The following CNTN3 variants were observed in gnomAD, a reference collection of about 807,000 sequenced individuals.
CNTN3 encodes contactin 3.
CNTN3 carries 60 observed loss-of-function variants against 119.1 expected under a neutral mutation model. The ratio of observed to expected loss-of-function variants is 0.50; its 90% CI spans 0.41 to 0.62. The LOEUF is 0.62. Among genes scored for constraint, CNTN3 ranks in the 20% least tolerant of loss-of-function variants. CNTN3 has a pLI of 0.00. For synonymous variants in CNTN3, 450 were observed against 438.7 expected, an observed-to-expected ratio of 1.03 and a Z score of -0.32; for missense variants, 1,101 against 1,242.4, an observed-to-expected ratio of 0.89 and a Z score of 1.71.
At chr3:74,448,786 TCATAAC>T (rs1702093935) in intron 4 of CNTN3, among the ~76,000 whole-genome samples, 1 of 152,164 alleles carries the variant, frequency 6.6e-6, no homozygotes, top group Non-Finnish European at 1.5e-5. Context: ...ATGGTCCATT[TCATAAC>T]TATTTTTCTA....
chr3:74,279,119 G>T (rs1261390733), intron 20 of CNTN3, among the ~76,000 whole-genome samples: 1 of 152,144 alleles, frequency 6.6e-6, no homozygotes. Context: ...GTACACGTTG[G>T]TGTGGATGCG....
intron 19 of CNTN3, among the ~76,000 whole-genome samples, chr3:74,294,889 C>T (rs868729019): frequency 7.9e-5 from 12 of 152,146 alleles, no homozygotes; most frequent in Non-Finnish European, 1.8e-4. Flanking sequence ...CCACGTGATA[C>T]GTGATTTCCT....
chr3:74,614,157 G>T (rs1333839680), intron 1 of CNTN3, among the ~76,000 whole-genome samples: 1 of 152,184 alleles, frequency 6.6e-6, no homozygotes, highest in Admixed American at 6.5e-5. Context: ...CGCTCCAGCT[G>T]GGGATGCAGC....
chr3:74,508,385 G>A (rs1253781329), intron 2 of CNTN3, among the ~76,000 whole-genome samples: 1 of 152,112 alleles, frequency 6.6e-6, no homozygotes, highest in Non-Finnish European at 1.5e-5. Flanking sequence ...ATAGCAGTAT[G>A]AAAATGGACT....
intron 1 of CNTN3, among the ~76,000 whole-genome samples, chr3:74,576,978 G>A (rs570464783): frequency 1.3e-5 from 2 of 152,258 alleles, no homozygotes; most frequent in Non-Finnish European, 2.9e-5. Flanking sequence ...AGGAGAGGCA[G>A]CAGTGACTTG....
chr3:74,512,337 T>G (rs1444670953), intron 2 of CNTN3, among the ~76,000 whole-genome samples: 1 of 152,076 alleles, frequency 6.6e-6, no homozygotes, highest in Admixed American at 6.6e-5. Context: ...GTTATCTGGT[T>G]TGAGCAAATA....
At chr3:74,275,459 A>C (rs1701861113) in intron 20 of CNTN3, among the ~76,000 whole-genome samples, 1 of 152,196 alleles carries the variant, frequency 6.6e-6, no homozygotes, top group South Asian at 2.1e-4. Context: ...TCTCAGCAGA[A>C]ACCCTACAAG....
At chr3:74,433,744 A>G (rs976040776) in intron 4 of CNTN3, among the ~76,000 whole-genome samples, 1 of 152,208 alleles carries the variant, frequency 6.6e-6, no homozygotes, top group Non-Finnish European at 1.5e-5. Flanking sequence ...TGCCATGCAC[A>G]TAAGGCTCCC....
At chr3:74,459,787 A>G (rs184655312) in intron 4 of CNTN3, among the ~76,000 whole-genome samples, 7 of 152,120 alleles carry the variant, frequency 4.6e-5, no homozygotes, top group Admixed American at 3.3e-4. Context: ...TTATTCTCCC[A>G]TAACACCTTT....
intron 13 of CNTN3, among the ~76,000 whole-genome samples, chr3:74,316,927 CA>C (rs144929614): frequency 0.32 from 41,737 of 128,564 alleles, 6,293 homozygotes; most frequent in East Asian, 0.69. Context: ...GACTCCATCT[CA>C]AAAAAAAAAA....
intron 1 of CNTN3, among the ~76,000 whole-genome samples, chr3:74,560,768 T>G (rs1041941008): frequency 6.6e-6 from 1 of 152,006 alleles, no homozygotes; most frequent in African/African-American, 2.4e-5. Flanking sequence ...AGACTTGGAA[T>G]CAACCCAAAT....
chr3:74,371,976 T>G (rs771768512), intron 5 of CNTN3, among the ~76,000 whole-genome samples: 1 of 152,086 alleles, frequency 6.6e-6, no homozygotes, highest in Non-Finnish European at 1.5e-5. Flanking sequence ...CCAACCACAT[T>G]CTTTGAGATA....
At chr3:74,429,108 G>A (rs928546762) in intron 4 of CNTN3, among the ~76,000 whole-genome samples, 37 of 152,114 alleles carry the variant, frequency 2.4e-4, no homozygotes, top group African/African-American at 8.7e-4. Context: ...AGTGACACAT[G>A]AGTGTATAAT....
intron 1 of CNTN3, among the ~76,000 whole-genome samples, chr3:74,596,030 T>G (rs1704802870): frequency 6.6e-6 from 1 of 152,082 alleles, no homozygotes; most frequent in Non-Finnish European, 1.5e-5. Context: ...ATCACAAGCA[T>G]TCTTATACAC....
At chr3:74,551,985 A>T (rs1285246989) in intron 1 of CNTN3, among the ~76,000 whole-genome samples, 1 of 151,860 alleles carries the variant, frequency 6.6e-6, no homozygotes, top group African/African-American at 2.4e-5. Flanking sequence ...GCTGGTCTCA[A>T]ACTCCTGACC....
chr3:74,586,230 T>C (rs1338885618), intron 1 of CNTN3, among the ~76,000 whole-genome samples: 2 of 152,108 alleles, frequency 1.3e-5, no homozygotes, highest in Non-Finnish European at 2.9e-5. Flanking sequence ...AAATATTTGT[T>C]CCTCTATAGT....
intron 5 of CNTN3, among the ~76,000 whole-genome samples, chr3:74,410,643 T>C (rs1269022832): frequency 1.3e-5 from 2 of 152,124 alleles, no homozygotes; most frequent in Non-Finnish European, 2.9e-5. Flanking sequence ...TCTTAAGAGA[T>C]TTGTGGGATA....
intron 5 of CNTN3, among the ~76,000 whole-genome samples, chr3:74,392,911 T>C (rs1207288362): frequency 1.3e-5 from 2 of 151,912 alleles, no homozygotes; most frequent in Non-Finnish European, 2.9e-5. Context: ...TGTGCAAGTA[T>C]CACCCAGATC....
intron 5 of CNTN3, among the ~76,000 whole-genome samples, chr3:74,407,262 CTA>C (rs1701343082): frequency 1.2e-5 from 1 of 82,208 alleles, no homozygotes; most frequent in Non-Finnish European, 2.7e-5. Flanking sequence ...GCCAAATATT[CTA>C]TTTTTTTTTT....
Sources: gnomAD v4.1 joint callset for allele counts (sites outside exome capture counted in the v4.1 genomes callset) on GRCh38, gnomAD v4.1.1 for gene constraint, MANE v1.5 for transcripts, NCBI Gene and HGNC (gene_info 2026-07-23, HGNC 2026-07-21) for gene names.